The following GPHN variants were observed in gnomAD, a reference collection of about 807,000 sequenced individuals.
GPHN encodes gephyrin.
Under a neutral mutation model 95.5 loss-of-function variants are expected in GPHN, and 17 were observed. The ratio of observed to expected loss-of-function variants is 0.18; its 90% CI spans 0.12 to 0.27. The LOEUF (loss-of-function observed/expected upper bound fraction) is 0.27. Among genes scored for constraint, GPHN ranks in the 10% least tolerant of loss-of-function variants. The probability of loss-of-function intolerance (pLI) is 1.00; values close to 1 mark genes in which losing one functional copy is unlikely to be tolerated. For synonymous variants in GPHN, 320 were observed against 322.5 expected, an observed-to-expected ratio of 0.99 and a Z score of 0.08; for missense variants, 660 against 978.1, an observed-to-expected ratio of 0.67 and a Z score of 4.34.
At chr14:67,698,636 T>G in the GPHN span, among the ~76,000 whole-genome samples, 2 of 152,114 alleles carry the variant, frequency 1.3e-5, no homozygotes, top group Non-Finnish European at 2.9e-5. Context: ...CATAAAAAAA[T>G]TATTAACTAT....
Position 66,740,411 on chromosome 14 carries a change from G to A in GPHN, c.144-36053G>A, listed in dbSNP as rs192282878. Among the ~76,000 whole-genome samples, 400 of 151,696 alleles carry A rather than the reference G, an allele frequency of 2.6e-3. 2 individuals are homozygous for A. The highest frequency in any genetic ancestry group is 5.1e-3 in the Non-Finnish European group (348 of 67,880). ...TAGTAAGATATGTTATTTATTTAAC[G>A]ATACATATAAAAAGAAAGAATATCT... On this transcript the variant is annotated intron_variant, in intron 2 of 22. Transcript: ENST00000478722.
At chr14:67,258,809 A>G in the GPHN span, among the ~76,000 whole-genome samples, 4 of 152,004 alleles carry the variant, frequency 2.6e-5, no homozygotes, top group African/African-American at 9.7e-5. Flanking sequence ...TGCTTTAATC[A>G]TTCTTTTCTT....
the GPHN span, chr14:67,269,694 T>C: frequency 1.3e-5 from 2 of 152,608 alleles, no homozygotes; most frequent in Non-Finnish European, 2.9e-5. Flanking sequence ...ATTTTTCTTT[T>C]TTATAGAATA....
chr14:67,662,167 C>T, the GPHN span, among the ~76,000 whole-genome samples: 1 of 145,700 alleles, frequency 6.9e-6, no homozygotes, highest in Non-Finnish European at 1.5e-5. Context: ...AAACAAACAA[C>T]AACAACAACA....
At chr14:67,110,041 A>G (rs2078277768) in intron 13 of GPHN, 99 bp from the exon 14 acceptor site, 1 of 1,053,718 alleles carries the variant, frequency 9.5e-7, no homozygotes, top group African/African-American at 1.6e-5. Flanking sequence ...ACTTTCTTTT[A>G]TGGTTTATTT....
the GPHN span, among the ~76,000 whole-genome samples, chr14:67,477,729 C>G: frequency 7.2e-5 from 11 of 152,262 alleles, no homozygotes; most frequent in East Asian, 2.1e-3. Context: ...CTCTTGAATT[C>G]AAGACTAGCC....
the GPHN span, chr14:67,619,917 C>A: frequency 8.6e-7 from 1 of 1,162,116 alleles, no homozygotes; most frequent in Non-Finnish European, 1.2e-6. Flanking sequence ...GGCGGTGGCG[C>A]TCACTCCCGG....
At chr14:66,841,334 G>C (rs2062079726) in intron 4 of GPHN, among the ~76,000 whole-genome samples, 1 of 152,152 alleles carries the variant, frequency 6.6e-6, no homozygotes, top group South Asian at 2.1e-4. Flanking sequence ...AAGGAGGAGA[G>C]AGAGGAAGCC....
intron 5 of GPHN, among the ~76,000 whole-genome samples, chr14:66,889,020 A>G (rs2064338787): frequency 6.6e-6 from 1 of 152,198 alleles, no homozygotes. Flanking sequence ...ATATGTTACT[A>G]GAAGGTTTAA....
the GPHN span, among the ~76,000 whole-genome samples, chr14:67,419,742 G>T: frequency 6.6e-6 from 1 of 152,054 alleles, no homozygotes; most frequent in Non-Finnish European, 1.5e-5. Context: ...CCAGCTACTC[G>T]GGAGGCTGAG....
chr14:67,225,981 ATGCG>A, the GPHN span, among the ~76,000 whole-genome samples: 1 of 117,466 alleles, frequency 8.5e-6, no homozygotes, highest in South Asian at 2.5e-4. Context: ...GCGCGTGCGC[ATGCG>A]CGTGCATGCT....
At chr14:66,513,412 A>G (rs2058118604) in intron 1 of GPHN, among the ~76,000 whole-genome samples, 1 of 151,812 alleles carries the variant, frequency 6.6e-6, no homozygotes, top group African/African-American at 2.4e-5. Context: ...GAAGTGACGA[A>G]TAAGAGTCTA....
At chr14:67,160,937 G>A (rs554023988) in intron 19 of GPHN, among the ~76,000 whole-genome samples, 1 of 152,278 alleles carries the variant, frequency 6.6e-6, no homozygotes, top group Admixed American at 6.5e-5. Context: ...TATTTCTGTA[G>A]TTGCATGTTG....
chr14:67,046,564 A>G (rs759807594), intron 10 of GPHN, among the ~76,000 whole-genome samples: 27 of 152,210 alleles, frequency 1.8e-4, no homozygotes, highest in Non-Finnish European at 2.5e-4. Context: ...TTATGAAGCT[A>G]ACATTTTGGG....
intron 2 of GPHN, among the ~76,000 whole-genome samples, chr14:66,690,698 A>C (rs968794540): frequency 2.6e-5 from 4 of 152,194 alleles, no homozygotes; most frequent in African/African-American, 9.7e-5. Flanking sequence ...TGTTGGGTGC[A>C]TATTATATTT....
At chr14:67,439,573 CTTTCTTTCTT>C in the GPHN span, among the ~76,000 whole-genome samples, 2 of 141,402 alleles carry the variant, frequency 1.4e-5, no homozygotes, top group Non-Finnish European at 3.0e-5. Context: ...TTCTTTCTTT[CTTTCTTTCTT>C]TCTTTCTTTC....
chr14:67,641,938 A>C, the GPHN span, among the ~76,000 whole-genome samples: 1 of 152,298 alleles, frequency 6.6e-6, no homozygotes, highest in East Asian at 1.9e-4. Context: ...TCTGAGGTCT[A>C]ATGGTTAACC....
chr14:67,463,638 CAAAAAAAAAA>C, the GPHN span, among the ~76,000 whole-genome samples: 1 of 54,864 alleles, frequency 1.8e-5, no homozygotes, highest in Admixed American at 2.2e-4. Context: ...GACTCCGTCT[CAAAAAAAAAA>C]AAAAAAAAAA....
chr14:66,713,149 T>G (rs2069824880), intron 2 of GPHN, among the ~76,000 whole-genome samples: 1 of 152,192 alleles, frequency 6.6e-6, no homozygotes, highest in Admixed American at 6.5e-5. Flanking sequence ...CAAAAGCTCT[T>G]TACCAGCTAT....
Sources: allele counts gnomAD v4.1 joint callset (sites outside exome capture counted in the v4.1 genomes callset), GRCh38; gene constraint gnomAD v4.1.1; transcripts MANE v1.5; gene names NCBI Gene and HGNC (gene_info 2026-07-23, HGNC 2026-07-21).